SNX6: variants seen among roughly 807,000 people sequenced by gnomAD.
SNX6 encodes sorting nexin 6.
A neutral mutation model predicts 63.0 loss-of-function variants in SNX6; 34 were observed. The ratio of observed to expected loss-of-function variants is 0.54; its 90% confidence interval spans 0.41 to 0.72. The LOEUF is 0.72. SNX6 is among the 30% of genes least tolerant of loss of function. The probability of loss-of-function intolerance (pLI) is 0.00; values close to 1 mark genes in which losing one functional copy is unlikely to be tolerated. For synonymous variants in SNX6, 170 were observed against 164.2 expected (o/e 1.04, Z -0.27); for missense variants, 398 against 471.4 (o/e 0.84, Z 1.44).
At chr14:34,568,327 T>C (rs988000508) in intron 11 of SNX6, among the ~76,000 whole-genome samples, 1 of 151,616 alleles carries the variant, frequency 6.6e-6, no homozygotes, top group South Asian at 2.1e-4. Context: ...ACCTCGCAGA[T>C]TCAAGCAATT....
intron 13 of SNX6, among the ~76,000 whole-genome samples, chr14:34,563,490 C>T (rs1176451780): frequency 2.7e-5 from 4 of 150,266 alleles, no homozygotes; most frequent in African/African-American, 4.9e-5. Flanking sequence ...ACCCGGGAAG[C>T]GGAGCTTGCA....
chr14:34,586,878 G>C (rs1024503956), intron 8 of SNX6, among the ~76,000 whole-genome samples: 1 of 149,316 alleles, frequency 6.7e-6, no homozygotes, highest in Non-Finnish European at 1.5e-5. Context: ...GCATGGTAGT[G>C]GGCACCTGTA....
At chr14:34,624,590 G>A (rs1361188336) in intron 2 of SNX6, among the ~76,000 whole-genome samples, 1 of 151,730 alleles carries the variant, frequency 6.6e-6, no homozygotes, top group Non-Finnish European at 1.5e-5. Flanking sequence ...GAAGTCAAGA[G>A]ATCAAGACCA....
At chr14:34,575,178 C>A (rs8008918) in intron 11 of SNX6, among the ~76,000 whole-genome samples, 113,710 of 149,080 alleles carry the variant, frequency 0.76, 43,998 homozygotes, top group East Asian at 0.83. Context: ...GAGGCATGAG[C>A]CACCACCCCT....
At chr14:34,616,144 G>A (rs1042074737) in intron 2 of SNX6, among the ~76,000 whole-genome samples, 2 of 151,786 alleles carry the variant, frequency 1.3e-5, no homozygotes, top group Non-Finnish European at 1.5e-5. Flanking sequence ...TTAGTAGAGA[G>A]GGGGTTTCAC....
At chr14:34,604,248 A>G (rs1183726447) in intron 5 of SNX6, 13 of 1,285,998 alleles carry the variant, frequency 1.0e-5, no homozygotes, top group Admixed American at 4.7e-5. Flanking sequence ...AATAAACCCA[A>G]GGTTCTCTGT....
chr14:34,595,117 A>T (rs1252989613), intron 7 of SNX6, among the ~76,000 whole-genome samples: 1 of 152,036 alleles, frequency 6.6e-6, no homozygotes, highest in South Asian at 2.1e-4. Context: ...AATAAAAAAT[A>T]AATATTAAAA....
At chr14:34,585,677 C>A (rs549770455) in intron 9 of SNX6, among the ~76,000 whole-genome samples, 1 of 152,134 alleles carries the variant, frequency 6.6e-6, no homozygotes, top group African/African-American at 2.4e-5. Flanking sequence ...CTCACTGCAA[C>A]CTCCGCCTCC....
chr14:34,575,576 A>C (rs943524390), intron 11 of SNX6, 180 bp downstream of exon 11: 5 of 280,042 alleles, frequency 1.8e-5, no homozygotes, highest in Non-Finnish European at 3.5e-5. Flanking sequence ...GGTTTCCCAC[A>C]TGAAATATGT....
In SNX6 at chr14:34,603,749, T is replaced by C. The variant is rs142572267; in HGVS notation, c.393-278A>G. Among the ~76,000 whole-genome samples the C allele has an allele frequency of 1.9e-4, 29 of 152,266 alleles. 1 individual carries two copies. In the East Asian group the frequency reaches 5.6e-3, roughly 29 times the overall value. ...TTACTTATGCGAGTTGATGTTAAAG[T>C]TAACTATAGGGCTGCTTGTTCTCAG... On this transcript the variant is annotated intron_variant, in intron 5 of 13. Transcript: ENST00000362031.
Position 34,581,867 on chromosome 14 carries a change from T to C in SNX6, c.795-267A>G, listed in dbSNP as rs28689571. On this transcript the variant is annotated intron_variant, in intron 9 of 13. Transcript: ENST00000362031. ...TTTTGCGATGGAGTTTCACGCTTGTTGCGCAGAACGGAGTGCAACTGCGCA... is the reference window on the plus strand; with the variant it reads ...TTTTGCGATGGAGTTTCACGCTTGTCGCGCAGAACGGAGTGCAACTGCGCA... 7.5e-3 allele frequency among the ~76,000 whole-genome samples: 1,138 copies of C among 152,238 alleles called. 10 individuals are homozygous for C. Among genetic ancestry groups the C allele is most frequent in the Middle Eastern group, 0.027 (8 of 294 alleles).
intron 4 of SNX6, among the ~76,000 whole-genome samples, chr14:34,606,222 T>C (rs35667865): frequency 1.4e-5 from 2 of 143,962 alleles, no homozygotes; most frequent in East Asian, 2.1e-4. Flanking sequence ...TTGGAGACGG[T>C]GTCTTGCTCT....
intron 2 of SNX6, among the ~76,000 whole-genome samples, chr14:34,627,813 G>A (rs11845239): frequency 7.9e-5 from 12 of 152,142 alleles, no homozygotes; most frequent in African/African-American, 2.4e-4. Context: ...GTACAGATGA[G>A]GTCTTGCTAT....
chr14:34,611,079 G>A (rs1193578923), intron 2 of SNX6, among the ~76,000 whole-genome samples: 2 of 152,056 alleles, frequency 1.3e-5, no homozygotes, highest in Non-Finnish European at 2.9e-5. Flanking sequence ...TACAACCTCT[G>A]CCTCCCAGGT....
chr14:34,564,170 G>A (rs944461672), intron 13 of SNX6, among the ~76,000 whole-genome samples: 3 of 152,094 alleles, frequency 2.0e-5, no homozygotes, highest in African/African-American at 7.2e-5. Context: ...TGAGATTACA[G>A]GCGCGTGCCA....
chr14:34,568,634 GTT>G (rs376954552), intron 11 of SNX6: 12,247 of 601,350 alleles, frequency 0.02, no homozygotes, highest in East Asian at 0.026. Flanking sequence ...CACTCAGCCT[GTT>G]TTTTTTTTTT....
intron 2 of SNX6, among the ~76,000 whole-genome samples, chr14:34,614,965 GATCT>G (rs1014101070): frequency 4.0e-5 from 6 of 151,786 alleles, no homozygotes; most frequent in Non-Finnish European, 7.4e-5. Context: ...TTTAACTACT[GATCT>G]ATCAGTTTGG....
intron 4 of SNX6, among the ~76,000 whole-genome samples, chr14:34,607,700 G>A (rs767309447): frequency 3.3e-5 from 5 of 152,122 alleles, no homozygotes; most frequent in Non-Finnish European, 7.3e-5. Flanking sequence ...CTGAGGTTAA[G>A]AGTTCAAGAC....
intron 6 of SNX6, among the ~76,000 whole-genome samples, chr14:34,602,499 G>A (rs1334007276): frequency 2.7e-5 from 4 of 149,972 alleles, no homozygotes; most frequent in African/African-American, 4.9e-5. Context: ...GCTGAGGCAC[G>A]AGAATCACTT....
Sources: allele counts gnomAD v4.1 joint callset (sites outside exome capture counted in the v4.1 genomes callset), GRCh38; gene constraint gnomAD v4.1.1; transcripts MANE v1.5; gene names NCBI Gene and HGNC (gene_info 2026-07-23, HGNC 2026-07-21).